The following CTNNA3 variants were observed in gnomAD, a reference collection of about 807,000 sequenced individuals.
The protein encoded by CTNNA3 is catenin alpha 3, also known as catenin alpha-3.
A neutral mutation model predicts 95.7 loss-of-function variants in CTNNA3; 76 were observed. That is an observed-to-expected ratio of 0.79 (90% CI 0.66 to 0.96). The LOEUF is 0.96. Ranked by LOEUF, CTNNA3 falls within the 40% of genes least tolerant of loss-of-function variation. CTNNA3 has a pLI of 0.00. For synonymous variants in CTNNA3, 431 were observed against 374.4 expected (o/e 1.15, Z -1.74); for missense variants, 1,191 against 1,089.8 (o/e 1.09, Z -1.31).
chr10:66,402,129 G>T (rs1212337693), intron 11 of CTNNA3, among the ~76,000 whole-genome samples: 1 of 152,062 alleles, frequency 6.6e-6, no homozygotes, highest in Non-Finnish European at 1.5e-5. Context: ...CAATATAATG[G>T]TTATTATTTC....
chr10:67,044,407 T>C (rs1337118084), intron 7 of CTNNA3, among the ~76,000 whole-genome samples: 2 of 152,176 alleles, frequency 1.3e-5, no homozygotes, highest in African/African-American at 2.4e-5. Flanking sequence ...CATTAACTTG[T>C]CAAAAATTAA....
chr10:67,067,046 C>T (rs1263582890), intron 7 of CTNNA3, among the ~76,000 whole-genome samples: 1 of 152,080 alleles, frequency 6.6e-6, no homozygotes, highest in Non-Finnish European at 1.5e-5. Context: ...TTAAAAGTGG[C>T]AACCACTTCT....
At chr10:67,144,260 T>G (rs572445279) in intron 7 of CTNNA3, among the ~76,000 whole-genome samples, 1 of 152,218 alleles carries the variant, frequency 6.6e-6, no homozygotes, top group African/African-American at 2.4e-5. Context: ...GTTTCATTTA[T>G]AGAGGACAGT....
intron 7 of CTNNA3, among the ~76,000 whole-genome samples, chr10:66,935,855 T>C (rs905972263): frequency 2.0e-5 from 3 of 149,896 alleles, no homozygotes; most frequent in African/African-American, 7.6e-5. Flanking sequence ...TCATTAATCC[T>C]ATACATTTTC....
intron 7 of CTNNA3, among the ~76,000 whole-genome samples, chr10:66,890,124 A>G (rs1017966024): frequency 3.3e-5 from 5 of 152,186 alleles, no homozygotes; most frequent in African/African-American, 1.2e-4. Context: ...TTTGGAAAGC[A>G]AAATTTCCAT....
intron 1 of CTNNA3, among the ~76,000 whole-genome samples, chr10:67,671,170 A>T (rs1840424569): frequency 6.6e-6 from 1 of 152,074 alleles, no homozygotes; most frequent in Non-Finnish European, 1.5e-5. Context: ...GGCCAATGAG[A>T]CGGTAAAGCT....
chr10:67,287,151 A>C, intron 5 of CTNNA3, among the ~76,000 whole-genome samples: 1 of 152,096 alleles, frequency 6.6e-6, no homozygotes, highest in East Asian at 1.9e-4. Flanking sequence ...CAGCCTGGAC[A>C]ATAAGGCAAA....
intron 5 of CTNNA3, among the ~76,000 whole-genome samples, chr10:67,468,711 C>T (rs116651790): frequency 0.07 from 10,584 of 152,182 alleles, 448 homozygotes; most frequent in South Asian, 0.14. Flanking sequence ...TGGTTAGAGG[C>T]AGATGATACA....
upstream of CTNNA3, among the ~76,000 whole-genome samples, chr10:67,696,985 TGTTCTTAA>T (rs1179881177): frequency 6.6e-6 from 1 of 152,260 alleles, no homozygotes; most frequent in East Asian, 1.9e-4. Flanking sequence ...TTGGCAGTCC[TGTTCTTAA>T]AAGGCTGAAT....
rs184856854 is a variant in CTNNA3, at chr10:66,537,767, G to T, written c.1375-16994C>A. On this transcript the variant is annotated intron_variant, in intron 10 of 17. Transcript: ENST00000433211. ...TGAGACCAGGATTTGAGACCAGCCT[G>T]GGCAATATAGTGAGACCCCCATCCA... is the stretch of plus-strand genomic sequence containing the variant. Among the ~76,000 whole-genome samples the T allele has an allele frequency of 6.9e-4, 105 of 151,818 alleles. 1 individual carries two copies. The East Asian group carries it at 0.018, about 26-fold the overall frequency.
At chr10:66,454,150 T>G (rs2093481278) in intron 11 of CTNNA3, among the ~76,000 whole-genome samples, 1 of 151,894 alleles carries the variant, frequency 6.6e-6, no homozygotes. Flanking sequence ...GGAAATAGAT[T>G]CCCCCCTGCA....
chr10:66,494,818 T>G (rs1840047865), intron 11 of CTNNA3, among the ~76,000 whole-genome samples: 1 of 152,210 alleles, frequency 6.6e-6, no homozygotes, highest in Non-Finnish European at 1.5e-5. Flanking sequence ...ACAACCACTG[T>G]CTATTACATT....
At chr10:66,290,351 ATTGT>A (rs1025301056) in intron 12 of CTNNA3, among the ~76,000 whole-genome samples, 8 of 152,168 alleles carry the variant, frequency 5.3e-5, no homozygotes, top group Admixed American at 4.6e-4. Context: ...TATAAAATTG[ATTGT>A]TTGAGGTCCA....
intron 5 of CTNNA3, among the ~76,000 whole-genome samples, chr10:67,479,965 T>A (rs564500209): frequency 4.6e-5 from 7 of 152,120 alleles, no homozygotes; most frequent in Non-Finnish European, 8.8e-5. Context: ...AACACCTCAA[T>A]GCACATAAAC....
intron 10 of CTNNA3, among the ~76,000 whole-genome samples, chr10:66,529,444 T>C (rs866350227): frequency 6.2e-5 from 6 of 96,712 alleles, no homozygotes; most frequent in South Asian, 2.8e-4. Context: ...ACAGTGTTTT[T>C]TTTTTGTTTT....
intron 5 of CTNNA3, among the ~76,000 whole-genome samples, chr10:67,378,637 T>C (rs1843791014): frequency 6.6e-6 from 1 of 152,212 alleles, no homozygotes; most frequent in Admixed American, 6.5e-5. Context: ...CATCCACGTA[T>C]GACTTAGAAC....
intron 1 of CTNNA3, among the ~76,000 whole-genome samples, chr10:67,727,660 A>T (rs1462266994): frequency 7.8e-6 from 1 of 127,674 alleles, no homozygotes; most frequent in Admixed American, 9.1e-5. Context: ...ATTATATATG[A>T]TATATAATAT....
chr10:67,558,704 GC>G (rs1841351061), intron 3 of CTNNA3, among the ~76,000 whole-genome samples: 1 of 152,234 alleles, frequency 6.6e-6, no homozygotes, highest in Admixed American at 6.5e-5. Context: ...CTCGAGAAGC[GC>G]AAGGGGTCAG....
intron 13 of CTNNA3, among the ~76,000 whole-genome samples, chr10:66,107,402 A>C (rs1349622760): frequency 6.6e-6 from 1 of 152,232 alleles, no homozygotes; most frequent in East Asian, 1.9e-4. Context: ...ATGACGGACT[A>C]GAACATTATT....
Sources: gnomAD v4.1 joint callset for allele counts (sites outside exome capture counted in the v4.1 genomes callset) on GRCh38, gnomAD v4.1.1 for gene constraint, MANE v1.5 for transcripts, NCBI Gene and HGNC (gene_info 2026-07-23, HGNC 2026-07-21) for gene names.